Variants in FBN3 observed in about 807,000 individuals in gnomAD.
FBN3 encodes fibrillin-3.
Under a neutral mutation model 330.1 loss-of-function variants are expected in FBN3, and 234 were observed. The observed-to-expected ratio is 0.71, with a 90% confidence interval of 0.64 to 0.79. The LOEUF (loss-of-function observed/expected upper bound fraction) is 0.79, where lower values mean the gene tolerates loss of function less well. Ranked by LOEUF, FBN3 falls within the 30% of genes least tolerant of loss-of-function variation. The pLI is 0.00. For missense variants in FBN3, 3,606 were observed against 3,886.9 expected (o/e 0.93, Z 1.92); for synonymous variants, 1,458 against 1,517.3 (o/e 0.96, Z 0.91).
intron 38 of FBN3, among the ~76,000 whole-genome samples, chr19:8,105,350 G>A (rs570614981): frequency 3.0e-4 from 44 of 144,532 alleles, no homozygotes; most frequent in Non-Finnish European, 5.0e-4. Flanking sequence ...CTCGACTTCC[G>A]AGGCTCAAGT....
At chr19:8,106,336 C>G (rs1416106895) in intron 37 of FBN3, 103 bp from the exon 38 acceptor site, 1 of 1,212,814 alleles carries the variant, frequency 8.2e-7, no homozygotes, top group Admixed American at 1.9e-5. Context: ...TCTCGAGGAT[C>G]CCCAAGTGCT....
At chr19:8,112,547 C>T (rs202237896) in intron 30 of FBN3, among the ~76,000 whole-genome samples, 1 of 152,088 alleles carries the variant, frequency 6.6e-6, no homozygotes, top group African/African-American at 2.4e-5. Context: ...CTACTCAGGA[C>T]GCTGAGGCAG....
intron 24 of FBN3, 67 bp downstream of exon 24, chr19:8,123,397 G>A (rs749522727): frequency 2.3e-5 from 35 of 1,525,442 alleles, no homozygotes; most frequent in East Asian, 6.9e-5. Flanking sequence ...TTGTCTCTAC[G>A]TCTTATTTGA....
chr19:8,075,896 C>G (rs551489713), intron 59 of FBN3, among the ~76,000 whole-genome samples: 1 of 152,108 alleles, frequency 6.6e-6, no homozygotes, highest in African/African-American at 2.4e-5. Flanking sequence ...TGAGGTCAGC[C>G]GGTGCCATGG....
chr19:8,135,945 C>CCCCCCCCCCCCA lies in FBN3; in HGVS notation c.1591+15_1591+16insTGGGGGGGGGGG. 1 of 488,806 alleles carries CCCCCCCCCCCCA rather than the reference C, an allele frequency of 2.0e-6. No homozygotes were observed. Among genetic ancestry groups the CCCCCCCCCCCCA allele is most frequent in the Non-Finnish European group, 4.0e-6 (1 of 248,998 alleles). 30.3% of individuals were successfully genotyped at this position (488,806 alleles called of 1,614,324 possible). On this transcript the variant is annotated intron_variant, in intron 13 of 63. Transcript: ENST00000600128. ...GGGCCCGGAAGCCCCTGCCCACCCG[C>CCCCCCCCCCCCA]CCACCCCCAACTCACCCACACAGTT...
intron 55 of FBN3, 50 bp downstream of exon 55, chr19:8,086,150 T>TGGGGGGGCCAG: frequency 8.7e-7 from 1 of 1,148,502 alleles, no homozygotes; most frequent in Non-Finnish European, 1.1e-6. Context: ...AGGCAGTGGG[T>TGGGGGGGCCAG]GCCACATGGT....
chr19:8,144,561 C>T (rs12459124), intron 6 of FBN3, among the ~76,000 whole-genome samples: 39,064 of 151,294 alleles, frequency 0.26, 6,103 homozygotes, highest in Non-Finnish European at 0.35. Flanking sequence ...TCCAGGGCTG[C>T]CCCAACCCTT....
rs528849979 is a variant in FBN3 at position 8,141,979 on chromosome 19, G to A, written c.700C>T (p.Arg234Cys). The A allele has an allele frequency of 1.7e-5, 28 of 1,614,128 alleles. No homozygotes were observed. The highest frequency in any genetic ancestry group is 1.1e-4 in the East Asian group (5 of 44,872). The change falls in exon 7 of 64, where the codon CGC (arginine) becomes TGC (cysteine). Residue 234 changes from arginine (R) to cysteine (C), a missense_variant. Coordinates refer to ENST00000600128, the MANE Select transcript of FBN3 (RefSeq NM_032447.5). ...GTGTGGATATTGGGGATGAAGCCGCGGCGGCAGGGGTGTGGCTGTGCAGGG... is the reference window on the plus strand; with the variant it reads ...GTGTGGATATTGGGGATGAAGCCGCAGCGGCAGGGGTGTGGCTGTGCAGGG... ...LCPAQPHPCR[R>C]GFIPNIHTGA...
In FBN3 at chr19:8,129,043, T is replaced by G. The variant is rs941099052; in HGVS notation, c.2281A>C (p.Thr761Pro). The G allele has an allele frequency of 6.2e-7, 1 of 1,613,150 alleles. No homozygotes were observed. Among genetic ancestry groups the G allele is most frequent in the Non-Finnish European group, 8.5e-7 (1 of 1,179,714 alleles). ...GACCCAGTACCTTTGCAGATCTCCGTGTCCTGCCAGAAGTGGAAGCCGGGG... is the reference window on the plus strand; with the variant it reads ...GACCCAGTACCTTTGCAGATCTCCGGGTCCTGCCAGAAGTGGAAGCCGGGG... ...CPPGFHFWQD[T>P]EICKDVDECL... Residue 761 changes from threonine (T) to proline (P), a missense_variant, in exon 18 of 64, where the codon ACG becomes CCG. Thr to Pro is a conservative substitution (Grantham distance 38). Transcript: ENST00000600128. The surrounding 1 kb of genome is among the most constrained non-coding windows in gnomAD (Gnocchi z 4.5).
chr19:8,077,452 A>C (rs1568358835), intron 59 of FBN3, among the ~76,000 whole-genome samples: 1 of 151,998 alleles, frequency 6.6e-6, no homozygotes, highest in Non-Finnish European at 1.5e-5. Context: ...CAGCCTGACC[A>C]GCATAGTGAA....
chr19:8,086,040 G>GACAGGCAGTGGGAGGGA (rs1568370858), intron 55 of FBN3, among the ~76,000 whole-genome samples, 160 bp downstream of exon 55: 1 of 137,338 alleles, frequency 7.3e-6, no homozygotes. Context: ...CAGTGGGAGG[G>GACAGGCAGTGGGAGGGA]ACAGGCAGTG....
intron 38 of FBN3, among the ~76,000 whole-genome samples, chr19:8,105,148 T>C (rs57227654): frequency 0.11 from 17,101 of 151,518 alleles, 1,276 homozygotes; most frequent in East Asian, 0.26. Context: ...AGAGATGGGG[T>C]TTCACTATGT....
Position 8,129,113 on chromosome 19 carries a change from G to T in FBN3, c.2211C>A (p.Asn737Lys). ...ECALNSLLCDNGWCQNSPGSY... is the reference protein window; with the variant it reads ...ECALNSLLCDKGWCQNSPGSY... ...TGCCAGGGCTATTCTGGCACCACCC[G>T]TTGTCACACAGGAGGCTGTTGAGGG... The change falls in exon 18 of 64, where the codon AAC becomes AAA. Residue 737 changes from asparagine to lysine, a missense_variant. By Grantham distance (94) the Asn-to-Lys change is moderately conservative. Coordinates refer to ENST00000600128, the MANE Select transcript of FBN3 (RefSeq NM_032447.5). The surrounding 1 kb of genome is among the most constrained non-coding windows in gnomAD (Gnocchi z 4.5). The T allele has an allele frequency of 6.2e-7, 1 of 1,612,974 alleles. No individual in the cohort carries two copies. The highest frequency in any genetic ancestry group is 1.1e-5 in the South Asian group (1 of 91,002).
rs764722423 is a variant in FBN3, at chr19:8,145,895, C to A, written c.393G>T (p.Arg131=). Residue 131 remains arginine (R), a synonymous_variant, in exon 5 of 64, where the codon CGG becomes CGT. Coordinates refer to ENST00000600128, the MANE Select transcript of FBN3 (RefSeq NM_032447.5). The part of the protein sequence containing the change: ...SVSCMNGGTC[R]GASCLCQKGY... ...CCTTCTGACACAGACAGGACGCCCC[C>A]CGGCAGGTGCCCCCATTCATACAGC... is the stretch of plus-strand genomic sequence containing the variant. The A allele has an allele frequency of 6.4e-7, 1 of 1,551,310 alleles. No homozygotes were observed. The highest frequency in any genetic ancestry group is 1.2e-5 in the South Asian group (1 of 84,060).
rs373074196 is a variant in FBN3, at chr19:8,103,603, G to A, written c.4898C>T (p.Pro1633Leu). ...NTLGNYTCVC[P>L]AEYLQVNGGN... ...ACCATTGACTTGGAGGTACTCTGCA[G>A]GGCAGACACAGGTGTAGTTCCCCAG... Residue 1633 changes from proline to leucine, a missense_variant, in exon 39 of 64, where the codon CCT (proline) becomes CTT (leucine). Physicochemically the swap from Pro to Leu is moderately conservative, Grantham distance 98. Transcript: ENST00000600128. 3.1e-6 allele frequency: 5 copies of A among 1,613,750 alleles called. No homozygotes were observed. The highest frequency in any genetic ancestry group is 4.2e-6 in the Non-Finnish European group (5 of 1,179,794).
chr19:8,114,961 CG>C (rs1265238580), intron 30 of FBN3, among the ~76,000 whole-genome samples: 1 of 151,990 alleles, frequency 6.6e-6, no homozygotes, highest in Non-Finnish European at 1.5e-5. Context: ...CTCTGCCTCC[CG>C]GGTTCAAATG....
intron 8 of FBN3, among the ~76,000 whole-genome samples, chr19:8,139,054 A>C (rs1326204749): frequency 6.6e-6 from 1 of 151,894 alleles, no homozygotes; most frequent in Non-Finnish European, 1.5e-5. Flanking sequence ...ACTCCGTCTC[A>C]AAAAAAATAA....
intron 30 of FBN3, among the ~76,000 whole-genome samples, chr19:8,114,299 G>T (rs1259324353): frequency 6.6e-6 from 1 of 152,110 alleles, no homozygotes; most frequent in Non-Finnish European, 1.5e-5. Context: ...GCCCAAGCTG[G>T]AGTGCAGTGG....
At chr19:8,127,061 T>TG (rs2083010766) in intron 18 of FBN3, among the ~76,000 whole-genome samples, 2 of 73,624 alleles carry the variant, frequency 2.7e-5, no homozygotes, top group African/African-American at 7.0e-5. Flanking sequence ...TTTTTTTTGT[T>TG]TTTTTTTTTT....
Sources: allele counts gnomAD v4.1 joint callset (sites outside exome capture counted in the v4.1 genomes callset), GRCh38; gene constraint gnomAD v4.1.1; non-coding constraint Gnocchi (gnomAD v3.1); transcripts MANE v1.5; gene names NCBI Gene and HGNC (gene_info 2026-07-23, HGNC 2026-07-21).